The following RBBP6 variants were observed in gnomAD, a reference collection of about 807,000 sequenced individuals.
RBBP6 encodes RB binding protein 6, ubiquitin ligase.
In RBBP6, 25 loss-of-function variants were observed where a neutral mutation model predicts 167.7. The ratio of observed to expected loss-of-function variants is 0.15; its 90% CI spans 0.11 to 0.21. The LOEUF (loss-of-function observed/expected upper bound fraction) is 0.21. RBBP6 is among the 10% of genes least tolerant of loss of function. The pLI, the probability that RBBP6 is intolerant of heterozygous loss-of-function variation, is 1.00. For missense variants in RBBP6, 1,868 were observed against 2,134.2 expected, an observed-to-expected ratio of 0.88 and a Z score of 2.46; for synonymous variants, 789 against 735.8, an observed-to-expected ratio of 1.07 and a Z score of -1.17.
chr16:24,540,779 G>T lies in RBBP6; in HGVS notation c.153G>T (p.Ala51=), dbSNP rs1358296917. 11 of 1,613,062 alleles carry T rather than the reference G, an allele frequency of 6.8e-6. No homozygotes were observed. The highest frequency in any genetic ancestry group is 1.7e-5 in the Admixed American group (1 of 59,780). ...ACTGCGACCTGCAGATCACCAATGC[G>T]CAGACGAAAGAAGGTAAGGGCCGCT... ...AADCDLQITN[A]QTKEEYTDDN... is the part of the protein sequence containing the mutation. Residue 51 remains alanine, a synonymous_variant, in exon 1 of 18, where the codon GCG becomes GCT. Transcript: ENST00000319715.
intron 16 of RBBP6, 57 bp from the exon 17 acceptor site, chr16:24,568,687 TG>T: frequency 9.8e-6 from 15 of 1,527,990 alleles, no homozygotes; most frequent in Non-Finnish European, 1.3e-5. Flanking sequence ...TCTGAGAGTC[TG>T]TGTTTTATTT....
At chr16:24,554,550 A>G (rs1388239450) in intron 4 of RBBP6, 1 of 152,106 alleles carries the variant, frequency 6.6e-6, no homozygotes, top group Non-Finnish European at 1.5e-5. Flanking sequence ...TGGGAAAACT[A>G]AGCATTAAAA....
rs141654910 is a variant in RBBP6, at chr16:24,553,527, C to T, written c.318C>T (p.Ser106=). 186 of 1,609,606 alleles carry T rather than the reference C, an allele frequency of 1.2e-4. No individual in the cohort carries two copies. Among genetic ancestry groups the T allele is most frequent in the South Asian group, 6.9e-4 (63 of 90,810 alleles). The change falls in exon 4 of 18, where the codon TCC becomes TCT. Residue 106 remains serine (S), a synonymous_variant. Transcript: ENST00000319715. ...TTTGTGAACAGATTGATGACTCTTC[C>T]GCGTCTATTTCTCTGGCCCAGCTTA... ...MATTKAIDDS[S]ASISLAQLTK...
At chr16:24,541,072 G>C (rs570429697) in intron 1 of RBBP6, among the ~76,000 whole-genome samples, 10 of 151,516 alleles carry the variant, frequency 6.6e-5, no homozygotes, top group Non-Finnish European at 1.3e-4. Flanking sequence ...GGAGGGAGGA[G>C]AGGGGGATAG....
At chr16:24,551,057 C>T (rs1401317925) in intron 3 of RBBP6, among the ~76,000 whole-genome samples, 2 of 151,794 alleles carry the variant, frequency 1.3e-5, no homozygotes, top group African/African-American at 2.4e-5. Context: ...TTCCATATTC[C>T]CCAGTCTTGT....
Position 24,567,363 on chromosome 16 carries a change from T to C in RBBP6, c.1810T>C (p.Phe604Leu), listed in dbSNP as rs752498253. 1 of 1,614,092 alleles carries C rather than the reference T, an allele frequency of 6.2e-7. No individual in the cohort carries two copies. The highest frequency in any genetic ancestry group is 8.5e-7 in the Non-Finnish European group (1 of 1,180,004). ...PAGYSVPPPG[F>L]PPAPANLSTP... Reference sequence around the variant, plus strand: ...TGGGTATAGTGTCCCTCCTCCAGGGTTTCCTCCAGCTCCTGCCAATTTATC... The same window carrying C: ...TGGGTATAGTGTCCCTCCTCCAGGGCTTCCTCCAGCTCCTGCCAATTTATC... Residue 604 changes from phenylalanine to leucine, a missense_variant, in exon 15 of 18, where the codon TTT becomes CTT. Physicochemically the swap from Phe to Leu is conservative, Grantham distance 22. Coordinates refer to ENST00000319715, the MANE Select transcript of RBBP6 (RefSeq NM_006910.5).
intron 8 of RBBP6, 132 bp downstream of exon 8, chr16:24,559,809 T>G (rs975897853): frequency 1.3e-6 from 1 of 760,380 alleles, no homozygotes; most frequent in African/African-American, 1.8e-5. Flanking sequence ...CAATGAGCAT[T>G]AAGTAGTGAG....
At chr16:24,558,608 T>A in intron 7 of RBBP6, 1 of 710,620 alleles carries the variant, frequency 1.4e-6, no homozygotes, top group Non-Finnish European at 1.7e-6. Context: ...CTGAATGAAA[T>A]AGAAAGGGTT....
intron 3 of RBBP6, among the ~76,000 whole-genome samples, chr16:24,551,030 C>G (rs929528389): frequency 2.0e-5 from 3 of 151,872 alleles, no homozygotes; most frequent in African/African-American, 7.2e-5. Flanking sequence ...GAACTCTAAT[C>G]AAGAATGGAT....
In RBBP6 at chr16:24,568,732, G is replaced by A; in HGVS notation, c.2055-13G>A. The A allele has an allele frequency of 1.3e-6, 2 of 1,595,914 alleles. No homozygotes were observed. Among genetic ancestry groups the A allele is most frequent in the Non-Finnish European group, 1.7e-6 (2 of 1,170,098 alleles). On this transcript the variant is annotated splice_polypyrimidine_tract_variant and intron_variant, in intron 16 of 17. Transcript: ENST00000319715. Reference sequence around the variant, plus strand: ...TTTCTCAACTATCAACTATTGTTTTGTTTTGTTTTTAGGTCTAAATCTCCC... The same window carrying A: ...TTTCTCAACTATCAACTATTGTTTTATTTTGTTTTTAGGTCTAAATCTCCC...
chr16:24,567,403 C>CA lies in RBBP6; in HGVS notation c.1851dup (p.Ser618IlefsTer26), dbSNP rs1374800604. On this transcript the variant is annotated frameshift_variant, in exon 15 of 18. Transcript: ENST00000319715. LOFTEE classifies it high-confidence loss of function. ...GCCAATTTATCAACACCTTGGGTAT[C>CA]ATCAGGAGTGCAGACAGCTCATTCA... 1 of 1,614,198 alleles carries CA rather than the reference C, an allele frequency of 6.2e-7. No homozygotes were observed. The highest frequency in any genetic ancestry group is 8.5e-7 in the Non-Finnish European group (1 of 1,180,034).
At position 24,564,826 on chromosome 16, in the gene RBBP6, C is replaced by T; in HGVS notation, c.1550C>T (p.Pro517Leu). Residue 517 changes from proline to leucine, a missense_variant, in exon 14 of 18, where the codon CCA becomes CTA. Around this residue, in one of 7 missense-constraint regions of RBBP6, gnomAD observed 245 missense variants for 240.1 expected, o/e 1.02. Transcript: ENST00000319715. ...HSNKLGYLVS[P>L]PQQIRRGERS... ...AACAAACTTGGCTATCTGGTTTCTC[C>T]ACCACAACAAATTAGAAGAGGGGAG... 2 of 1,612,712 alleles carry T rather than the reference C, an allele frequency of 1.2e-6. No homozygotes were observed. The highest frequency in any genetic ancestry group is 1.7e-6 in the Non-Finnish European group (2 of 1,179,172).
intron 14 of RBBP6, among the ~76,000 whole-genome samples, chr16:24,566,508 C>CT (rs1899197702): frequency 6.6e-6 from 1 of 152,170 alleles, no homozygotes. Flanking sequence ...AACCCCAGCA[C>CT]TTTGTGCAGA....
intron 6 of RBBP6, 106 bp downstream of exon 6, chr16:24,556,023 C>T: frequency 1.8e-6 from 2 of 1,093,348 alleles, no homozygotes; most frequent in Non-Finnish European, 1.3e-6. Flanking sequence ...TAGACAATGG[C>T]AAATGAGCAT....
In RBBP6 at chr16:24,553,551, T is replaced by C; in HGVS notation, c.342T>C (p.Leu114=). The change falls in exon 4 of 18, where the codon CTT becomes CTC. Residue 114 remains leucine, a synonymous_variant. Transcript: ENST00000319715. The part of the protein sequence containing the change: ...DSSASISLAQ[L]TKTANLAEAN... ...CCGCGTCTATTTCTCTGGCCCAGCT[T>C]ACAAAGGTATATATATATATATATT... The C allele has an allele frequency of 6.4e-7, 1 of 1,555,222 alleles. No individual in the cohort carries two copies. The highest frequency in any genetic ancestry group is 8.6e-7 in the Non-Finnish European group (1 of 1,158,354).
intron 8 of RBBP6, 163 bp downstream of exon 8, chr16:24,559,840 A>G (rs940256459): frequency 5.6e-6 from 3 of 536,862 alleles, no homozygotes; most frequent in African/African-American, 3.9e-5. Flanking sequence ...TTCTTGCTGT[A>G]TCTTTTTTAA....
In RBBP6 at chr16:24,571,449, T is replaced by G. The variant is rs759815482; in HGVS notation, c.4383T>G (p.Ala1461=). ...RTSDKHDSTR[A]SSNKDFTPNR... ...CAGATAAACATGATTCCACTCGTGC[T>G]TCCTCAAATAAAGACTTCACTCCCA... The change falls in exon 18 of 18, where the codon GCT becomes GCG. Residue 1461 remains alanine, a synonymous_variant. Transcript: ENST00000319715. The G allele has an allele frequency of 1.2e-6, 2 of 1,612,980 alleles. No individual in the cohort carries two copies. Among genetic ancestry groups the G allele is most frequent in the Non-Finnish European group, 1.7e-6 (2 of 1,179,748 alleles).
At chr16:24,552,578 A>G (rs1456114292) in intron 3 of RBBP6, among the ~76,000 whole-genome samples, 12 of 151,908 alleles carry the variant, frequency 7.9e-5, no homozygotes, top group Admixed American at 1.3e-4. Flanking sequence ...ATTAGTGTTC[A>G]ATTTAAAATA....
In RBBP6 at chr16:24,563,629, T is replaced by C; in HGVS notation, c.1485T>C (p.Thr495=). 3 of 1,612,586 alleles carry C rather than the reference T, an allele frequency of 1.9e-6. No individual in the cohort carries two copies. The highest frequency in any genetic ancestry group is 1.7e-6 in the Non-Finnish European group (2 of 1,179,784). Residue 495 remains threonine (T), a synonymous_variant, in exon 13 of 18, where the codon ACT becomes ACC. Transcript: ENST00000319715. ...IPTTGPVRIN[T]ARPGGGRPGW... ...TTCTAGGTCCAGTAAGAATAAATAC[T>C]GCTCGTCCAGGTGGTGGTCGACCAG...
Sources: gnomAD v4.1 joint callset for allele counts (sites outside exome capture counted in the v4.1 genomes callset) on GRCh38, gnomAD v4.1.1 for gene constraint, gnomAD v4.1.1 regional missense constraint, MANE v1.5 for transcripts, NCBI Gene and HGNC (gene_info 2026-07-23, HGNC 2026-07-21) for gene names.